FIRRM: variants seen among roughly 807,000 people sequenced by gnomAD.
FIRRM encodes FIGNL1-interacting regulator of recombination and mitosis.
At chr1:169,800,809 C>G in the FIRRM span, 1 of 582,350 alleles carries the variant, frequency 1.7e-6, no homozygotes, top group Admixed American at 3.2e-5. Flanking sequence ...AGTATTCTTG[C>G]ATTTAATAAA....
At chr1:169,847,568 T>C in the FIRRM span, 1 of 671,330 alleles carries the variant, frequency 1.5e-6, no homozygotes, top group Non-Finnish European at 2.6e-6. Context: ...GGTGTGTTTG[T>C]TTTTTTCTGG....
chr1:169,792,434 AACATAGCTC>A, the FIRRM span: 1 of 692,048 alleles, frequency 1.4e-6, no homozygotes, highest in South Asian at 2.5e-5. Flanking sequence ...AAAGACTGGT[AACATAGCTC>A]ACTTACAATT....
At chr1:169,804,657 T>G in the FIRRM span, among the ~76,000 whole-genome samples, 1 of 152,178 alleles carries the variant, frequency 6.6e-6, no homozygotes, top group African/African-American at 2.4e-5. Flanking sequence ...ATTTTACATG[T>G]GATGCACTTT....
chr1:169,826,969 G>C, the FIRRM span: 1 of 1,213,194 alleles, frequency 8.2e-7, no homozygotes. Flanking sequence ...TTTACTACCA[G>C]AACATCAGTT....
chr1:169,839,595 T>C, the FIRRM span, among the ~76,000 whole-genome samples: 2 of 152,182 alleles, frequency 1.3e-5, no homozygotes, highest in Non-Finnish European at 2.9e-5. Flanking sequence ...AATGGGGTTG[T>C]TTTTTACTTG....
At chr1:169,821,742 C>G in the FIRRM span, 1 of 1,608,658 alleles carries the variant, frequency 6.2e-7, no homozygotes, top group Non-Finnish European at 8.5e-7. Flanking sequence ...TGCCAACTCC[C>G]TTTTGCACTA....
chr1:169,850,088 T>G, the FIRRM span: 1 of 585,416 alleles, frequency 1.7e-6, no homozygotes, highest in Admixed American at 3.0e-5. Context: ...GTACAGAAGT[T>G]AATTTTGTAT....
chr1:169,841,951 G>A, the FIRRM span, among the ~76,000 whole-genome samples: 1 of 152,054 alleles, frequency 6.6e-6, no homozygotes, highest in Admixed American at 6.6e-5. Flanking sequence ...GCCGAGGCTG[G>A]CAGATCATGA....
the FIRRM span, among the ~76,000 whole-genome samples, chr1:169,788,388 G>A: frequency 2.0e-5 from 3 of 152,174 alleles, no homozygotes; most frequent in African/African-American, 7.2e-5. Context: ...TAGTAAATAT[G>A]TTTTCTCTTC....
chr1:169,830,011 G>A, the FIRRM span, among the ~76,000 whole-genome samples: 1 of 152,110 alleles, frequency 6.6e-6, no homozygotes, highest in Non-Finnish European at 1.5e-5. Context: ...CCTAGTGACT[G>A]AGTTATTACA....
chr1:169,809,192 G>C, the FIRRM span, among the ~76,000 whole-genome samples: 1 of 152,080 alleles, frequency 6.6e-6, no homozygotes, highest in African/African-American at 2.4e-5. Flanking sequence ...GTTAGGAAGG[G>C]GCTAACTTTT....
chr1:169,841,139 C>A, the FIRRM span, among the ~76,000 whole-genome samples: 2 of 152,150 alleles, frequency 1.3e-5, no homozygotes, highest in South Asian at 2.1e-4. Flanking sequence ...TGCCTAGTGT[C>A]TTGATGGCCT....
the FIRRM span, chr1:169,800,851 TA>T: frequency 1.7e-5 from 20 of 1,145,578 alleles, no homozygotes; most frequent in Non-Finnish European, 2.6e-6. Flanking sequence ...GACATGACAA[TA>T]TTTTTATAAA....
At chr1:169,786,432 A>G in the FIRRM span, among the ~76,000 whole-genome samples, 3 of 152,220 alleles carry the variant, frequency 2.0e-5, no homozygotes, top group African/African-American at 7.2e-5. Flanking sequence ...GAAGATTTTT[A>G]AAACGCAAAG....
chr1:169,812,556 A>C, the FIRRM span, among the ~76,000 whole-genome samples: 1 of 152,162 alleles, frequency 6.6e-6, no homozygotes, highest in African/African-American at 2.4e-5. Context: ...TAGAGAGTTC[A>C]TCTTCAAAAT....
At chr1:169,799,274 C>A in the FIRRM span, among the ~76,000 whole-genome samples, 10 of 152,236 alleles carry the variant, frequency 6.6e-5, no homozygotes, top group Admixed American at 2.6e-4. Flanking sequence ...TACTGAATAG[C>A]TATCAGCCTC....
chr1:169,801,993 T>C, the FIRRM span, among the ~76,000 whole-genome samples: 1 of 152,232 alleles, frequency 6.6e-6, no homozygotes, highest in Admixed American at 6.5e-5. Flanking sequence ...GGAAACAGTA[T>C]TTTCTTTAGC....
At chr1:169,824,532 A>G in the FIRRM span, among the ~76,000 whole-genome samples, 4 of 152,220 alleles carry the variant, frequency 2.6e-5, no homozygotes, top group Non-Finnish European at 5.9e-5. Context: ...AGAGTTGTCT[A>G]TACCCCTGTC....
chr1:169,846,086 A>G, the FIRRM span, among the ~76,000 whole-genome samples: 1 of 152,232 alleles, frequency 6.6e-6, no homozygotes, highest in Admixed American at 6.5e-5. Flanking sequence ...CATGAAAACA[A>G]TATTCATCTC....
Sources: allele counts gnomAD v4.1 joint callset (sites outside exome capture counted in the v4.1 genomes callset), GRCh38; gene constraint gnomAD v4.1.1; transcripts MANE v1.5; gene names NCBI Gene and HGNC (gene_info 2026-07-23, HGNC 2026-07-21).